Variants in SMURF1 observed in about 807,000 individuals in gnomAD.
SMURF1 encodes the protein E3 ubiquitin-protein ligase SMURF1.
Under a neutral mutation model 98.0 loss-of-function variants are expected in SMURF1, and 44 were observed. The observed-to-expected ratio is 0.45, with a 90% CI of 0.35 to 0.58. SMURF1 has a LOEUF of 0.58. SMURF1 is among the 20% of genes least tolerant of loss of function. SMURF1 has a pLI of 0.00. For synonymous variants in SMURF1, 396 were observed against 374.9 expected, an observed-to-expected ratio of 1.06 and a Z score of -0.65; for missense variants, 687 against 938.4, an observed-to-expected ratio of 0.73 and a Z score of 3.50.
chr7:99,099,333 G>C (rs1797023206), intron 1 of SMURF1, among the ~76,000 whole-genome samples: 1 of 151,702 alleles, frequency 6.6e-6, no homozygotes, highest in African/African-American at 2.4e-5. Context: ...AGTCGAGGGA[G>C]GTTTTACATT....
At chr7:99,045,174 G>C (rs2150517004) in intron 11 of SMURF1, among the ~76,000 whole-genome samples, 1 of 152,236 alleles carries the variant, frequency 6.6e-6, no homozygotes, top group South Asian at 2.1e-4. Flanking sequence ...TCTTGAAGCT[G>C]AAAAGAAGCA....
At chr7:99,076,092 G>A (rs956527025) in intron 1 of SMURF1, among the ~76,000 whole-genome samples, 2 of 151,810 alleles carry the variant, frequency 1.3e-5, no homozygotes, top group Non-Finnish European at 2.9e-5. Context: ...TTTTTATAGC[G>A]ATGGGGTCTC....
At chr7:99,038,065 C>T (rs1041526277) in intron 14 of SMURF1, among the ~76,000 whole-genome samples, 1 of 152,156 alleles carries the variant, frequency 6.6e-6, no homozygotes, top group Non-Finnish European at 1.5e-5. Context: ...CTTCCTCGGA[C>T]TGAGCACGAG....
Position 99,063,261 on chromosome 7 carries a change from AT to A in SMURF1, c.56-1425del, listed in dbSNP as rs1563012684. Among the ~76,000 whole-genome samples the A allele has an allele frequency of 1.3e-3, 9 of 6,934 alleles. No homozygotes were observed. In the East Asian group the frequency reaches 0.019, roughly 14 times the overall value. The allele number at this position is 6,934 out of a possible 152,430, so 4.5% of individuals were successfully genotyped here. On this transcript the variant is annotated intron_variant, in intron 1 of 17. Coordinates refer to ENST00000361368, the MANE Select transcript of SMURF1 (RefSeq NM_181349.3). ...TTTATTTATATATATATATATATAT[AT>A]ATATATATATATATATATATATATA...
In SMURF1 at chr7:99,037,136, A is replaced by C; in HGVS notation, c.1740T>G (p.Ala580=). 6.2e-7 allele frequency: 1 copy of C among 1,614,162 alleles called. No homozygotes were observed. Among genetic ancestry groups the C allele is most frequent in the Non-Finnish European group, 8.5e-7 (1 of 1,180,052 alleles). Residue 580 remains alanine, a synonymous_variant, in exon 15 of 18, where the codon GCT becomes GCG. Coordinates refer to ENST00000361368, the MANE Select transcript of SMURF1 (RefSeq NM_181349.3). ...FMRGIEAQFL[A]LQKGFNELIP... The stretch of plus-strand genomic sequence containing the variant: ...TGAGCTCATTGAACCCCTTCTGCAG[A>C]GCTAAGAACTGGGCTTCGATTCCTC...
intron 1 of SMURF1, among the ~76,000 whole-genome samples, chr7:99,091,784 CT>C (rs1190548380): frequency 6.6e-6 from 1 of 152,192 alleles, no homozygotes; most frequent in African/African-American, 2.4e-5. Context: ...GGCAGCAAGT[CT>C]AACCTTCCCC....
rs141532197 is a variant in SMURF1 at position 99,047,708 on chromosome 7, T to C, written c.1128A>G (p.Glu376=). 2.7e-3 allele frequency: 4,354 copies of C among 1,614,130 alleles called. 10 individuals carry two copies. Among genetic ancestry groups the C allele is most frequent in the Non-Finnish European group, 3.4e-3 (4,049 of 1,180,050 alleles). Reference sequence around the variant, plus strand: ...CCTCAAAGATTTCTTCTCTGGACACTTCGATGCGGCAATGACCAGCTTGGG... The same window carrying C: ...CCTCAAAGATTTCTTCTCTGGACACCTCGATGCGGCAATGACCAGCTTGGG... ...QQPQAGHCRI[E]VSREEIFEES... Residue 376 remains glutamate (E), a synonymous_variant, in exon 10 of 18, where the codon GAA becomes GAG. Transcript: ENST00000361368.
At chr7:99,126,058 G>C (rs1221912251) in intron 1 of SMURF1, among the ~76,000 whole-genome samples, 1 of 152,184 alleles carries the variant, frequency 6.6e-6, no homozygotes, top group Non-Finnish European at 1.5e-5. Flanking sequence ...ACTAGACTCA[G>C]GGGCGCTTTG....
At chr7:99,108,190 G>A (rs1024562869) in intron 1 of SMURF1, among the ~76,000 whole-genome samples, 1 of 152,058 alleles carries the variant, frequency 6.6e-6, no homozygotes, top group Admixed American at 6.5e-5. Context: ...TCCATACCAG[G>A]CATTCCCTGT....
At chr7:99,040,254 A>C in intron 13 of SMURF1, 124 bp downstream of exon 13, 2 of 1,071,746 alleles carry the variant, frequency 1.9e-6, no homozygotes, top group Non-Finnish European at 2.5e-6. Context: ...TTCAGGTTAT[A>C]ATACAATGGC....
chr7:99,040,586 G>C (rs778583848), intron 12 of SMURF1, 30 bp from the exon 13 acceptor site: 1 of 1,395,506 alleles, frequency 7.2e-7, no homozygotes, highest in South Asian at 1.8e-5. Context: ...ACACGAATTT[G>C]TCAGCATGGT....
At chr7:99,136,124 G>A (rs887394555) in intron 1 of SMURF1, among the ~76,000 whole-genome samples, 15 of 152,198 alleles carry the variant, frequency 9.9e-5, no homozygotes, top group Admixed American at 7.2e-4. Flanking sequence ...AGGAGTTCCA[G>A]GCTGCAGTGA....
intron 1 of SMURF1, among the ~76,000 whole-genome samples, chr7:99,097,140 A>C (rs1369076212): frequency 6.6e-6 from 1 of 152,212 alleles, no homozygotes; most frequent in African/African-American, 2.4e-5. Context: ...TTATAAGATT[A>C]AATGTTTTTA....
At chr7:99,056,262 C>G (rs2150532691) in intron 5 of SMURF1, among the ~76,000 whole-genome samples, 1 of 152,182 alleles carries the variant, frequency 6.6e-6, no homozygotes, top group African/African-American at 2.4e-5. Flanking sequence ...GAGAATCACT[C>G]CAGTGTGCTG....
In SMURF1 at chr7:99,082,412, A is replaced by G. The variant is rs145283179; in HGVS notation, c.56-20575T>C. Among the ~76,000 whole-genome samples the G allele has an allele frequency of 8.8e-3, 1,333 of 152,270 alleles. 26 individuals are homozygous for G. The highest frequency in any genetic ancestry group is 0.031 in the African/African-American group (1,285 of 41,562). Reference sequence around the variant, plus strand: ...TAGGAGTTCTTGAGGTAGGAGCTCAATTTCATTCTTTTACATGTGTATATC... The same window carrying G: ...TAGGAGTTCTTGAGGTAGGAGCTCAGTTTCATTCTTTTACATGTGTATATC... On this transcript the variant is annotated intron_variant, in intron 1 of 17. Coordinates refer to ENST00000361368, the MANE Select transcript of SMURF1 (RefSeq NM_181349.3).
intron 14 of SMURF1, 77 bp downstream of exon 14, chr7:99,038,311 A>G (rs1426140485): frequency 2.1e-5 from 33 of 1,542,270 alleles, no homozygotes; most frequent in Non-Finnish European, 2.6e-6. Context: ...GGCCTCACAC[A>G]GCGAAGGAGC....
At chr7:99,095,912 T>A (rs1796947076) in intron 1 of SMURF1, among the ~76,000 whole-genome samples, 1 of 152,194 alleles carries the variant, frequency 6.6e-6, no homozygotes, top group South Asian at 2.1e-4. Flanking sequence ...GATGTCCAGC[T>A]GCTTTTTTGG....
chr7:99,118,233 A>G (rs1015154091), intron 1 of SMURF1, among the ~76,000 whole-genome samples: 3 of 152,150 alleles, frequency 2.0e-5, no homozygotes, highest in African/African-American at 7.2e-5. Flanking sequence ...TGACTGGAAA[A>G]CGGTTTGGCA....
At chr7:99,098,918 C>T (rs1165426529) in intron 1 of SMURF1, among the ~76,000 whole-genome samples, 1 of 152,098 alleles carries the variant, frequency 6.6e-6, no homozygotes, top group East Asian at 1.9e-4. Flanking sequence ...ATTGAGATCC[C>T]TCCTTTCATC....
Sources: allele counts gnomAD v4.1 joint callset (sites outside exome capture counted in the v4.1 genomes callset), GRCh38; gene constraint gnomAD v4.1.1; transcripts MANE v1.5; gene names NCBI Gene and HGNC (gene_info 2026-07-23, HGNC 2026-07-21).